Variants in CDH12 observed in about 807,000 individuals in gnomAD.
CDH12 encodes the protein cadherin-12.
In CDH12, 41 loss-of-function variants were observed where a neutral mutation model predicts 74.1. That is an observed-to-expected ratio of 0.55 (90% CI 0.43 to 0.72). The LOEUF (loss-of-function observed/expected upper bound fraction) is 0.72. Among genes scored for constraint, CDH12 ranks in the 30% least tolerant of loss-of-function variants. The probability of loss-of-function intolerance (pLI) is 0.00; values close to 1 mark genes in which losing one functional copy is unlikely to be tolerated. For synonymous variants in CDH12, 399 were observed against 355.0 expected, an observed-to-expected ratio of 1.12 and a Z score of -1.39; for missense variants, 945 against 977.2, an observed-to-expected ratio of 0.97 and a Z score of 0.44.
intron 5 of CDH12, among the ~76,000 whole-genome samples, chr5:22,005,843 T>C (rs1736921198): frequency 6.6e-6 from 1 of 152,136 alleles, no homozygotes; most frequent in Admixed American, 6.5e-5. Context: ...CCTAGTCAAC[T>C]TACTCTCCTA....
At chr5:22,429,231 A>G (rs902975004) in intron 2 of CDH12, among the ~76,000 whole-genome samples, 1 of 151,942 alleles carries the variant, frequency 6.6e-6, no homozygotes, top group Non-Finnish European at 1.5e-5. Context: ...TCCTGGGCTC[A>G]CTGGATCCTC....
chr5:21,874,156 CAT>C (rs1163800870), intron 6 of CDH12, among the ~76,000 whole-genome samples: 1 of 151,998 alleles, frequency 6.6e-6, no homozygotes, highest in African/African-American at 2.4e-5. Flanking sequence ...CTACAAGAAA[CAT>C]AAGCAAATTT....
intron 8 of CDH12, among the ~76,000 whole-genome samples, chr5:21,817,967 A>C (rs1748155568): frequency 6.6e-6 from 1 of 152,062 alleles, no homozygotes; most frequent in Admixed American, 6.6e-5. Context: ...AAACATAGAC[A>C]TTATTTTAAG....
At chr5:22,743,937 G>A (rs949810806) in intron 1 of CDH12, among the ~76,000 whole-genome samples, 1 of 151,714 alleles carries the variant, frequency 6.6e-6, no homozygotes, top group African/African-American at 2.4e-5. Flanking sequence ...CTACTGTTGG[G>A]CATTTTGTTG....
intron 1 of CDH12, among the ~76,000 whole-genome samples, chr5:22,579,047 C>A (rs988493171): frequency 1.3e-5 from 2 of 152,170 alleles, no homozygotes; most frequent in African/African-American, 4.8e-5. Context: ...CGACTTCTAT[C>A]ACATCTACAA....
In CDH12 at chr5:22,535,156, TTC is replaced by T. The variant is rs1290055512; in HGVS notation, c.-522-29794_-522-29793del. On this transcript the variant is annotated intron_variant, in intron 1 of 14. Coordinates refer to ENST00000382254, the MANE Select transcript of CDH12 (RefSeq NM_004061.5). ...CTGGCTAATTTTCTTTTTTTTTTTT[TTC>T]TTTTTTTTTTTTTTTTGAGACGGGG... is the stretch of plus-strand genomic sequence containing the variant. 9.7e-4 allele frequency among the ~76,000 whole-genome samples: 128 copies of T among 131,420 alleles called. 1 individual carries two copies. Among genetic ancestry groups the T allele is most frequent in the African/African-American group, 3.3e-3 (118 of 35,410 alleles). The allele number at this position is 131,420 out of a possible 152,430, so 86.2% of individuals were successfully genotyped here.
At chr5:22,218,100 T>C (rs1441311780) in intron 3 of CDH12, among the ~76,000 whole-genome samples, 1 of 151,772 alleles carries the variant, frequency 6.6e-6, no homozygotes, top group East Asian at 1.9e-4. Context: ...ACGTCAAGTG[T>C]CAACAATGAT....
intron 1 of CDH12, among the ~76,000 whole-genome samples, chr5:22,555,475 A>C: frequency 6.6e-6 from 1 of 151,992 alleles, no homozygotes; most frequent in Non-Finnish European, 1.5e-5. Flanking sequence ...TGTGGGAAGA[A>C]TATCCAATAT....
At chr5:22,201,484 A>G (rs1042146062) in intron 4 of CDH12, among the ~76,000 whole-genome samples, 1 of 152,184 alleles carries the variant, frequency 6.6e-6, no homozygotes, top group Non-Finnish European at 1.5e-5. Context: ...ACAAATGAAC[A>G]TAGATTATGA....
intron 6 of CDH12, among the ~76,000 whole-genome samples, chr5:21,903,942 CT>C (rs1238780513): frequency 6.6e-6 from 1 of 152,012 alleles, no homozygotes; most frequent in African/African-American, 2.4e-5. Flanking sequence ...CAATTTATTC[CT>C]TAGAAAAAAA....
chr5:22,211,862 T>C (rs1033735813), intron 4 of CDH12, among the ~76,000 whole-genome samples: 9 of 151,824 alleles, frequency 5.9e-5, no homozygotes, highest in Non-Finnish European at 1.2e-4. Context: ...TGCTTTCTTT[T>C]TTTATTCATG....
chr5:22,682,788 T>C (rs1741564025), intron 1 of CDH12, among the ~76,000 whole-genome samples: 1 of 152,134 alleles, frequency 6.6e-6, no homozygotes, highest in East Asian at 1.9e-4. Context: ...CATTAAAACC[T>C]TCCTCCCCTC....
At position 22,020,880 on chromosome 5, in the gene CDH12, C is replaced by T. The variant is rs1001104318; in HGVS notation, c.232-45495G>A. Among the ~76,000 whole-genome samples, 8 of 151,652 alleles carry T rather than the reference C, an allele frequency of 5.3e-5. No individual in the cohort carries two copies. The East Asian group carries it at 1.4e-3, about 26-fold the overall frequency. On this transcript the variant is annotated intron_variant, in intron 5 of 14. Coordinates refer to ENST00000382254, the MANE Select transcript of CDH12 (RefSeq NM_004061.5). ...CACAATTCAGTACATAGCACAGGGACTATTGTAAATTCCTGATAAGAAATC... is the reference window on the plus strand; with the variant it reads ...CACAATTCAGTACATAGCACAGGGATTATTGTAAATTCCTGATAAGAAATC...
At chr5:22,331,631 A>T (rs1006083509) in intron 3 of CDH12, among the ~76,000 whole-genome samples, 9 of 152,234 alleles carry the variant, frequency 5.9e-5, no homozygotes, top group African/African-American at 2.2e-4. Context: ...AACACTATCC[A>T]GTAAAACATG....
chr5:22,140,765 C>A (rs1428996708), intron 4 of CDH12, among the ~76,000 whole-genome samples: 1 of 152,118 alleles, frequency 6.6e-6, no homozygotes, highest in Non-Finnish European at 1.5e-5. Context: ...TTAGGACACA[C>A]AGGTCACCAA....
rs1561339749 is a variant in CDH12, at chr5:22,356,248, T to G, written c.-333+49009A>C. On this transcript the variant is annotated intron_variant, in intron 3 of 14. Coordinates refer to ENST00000382254, the MANE Select transcript of CDH12 (RefSeq NM_004061.5). ...AATATGAAAGCCCCAAATAACAACC[T>G]ATGAAACCATACAGTTTTAAAAACT... Among the ~76,000 whole-genome samples, 3 of 152,296 alleles carry G rather than the reference T, an allele frequency of 2.0e-5. No individual in the cohort carries two copies. In the South Asian group the frequency reaches 6.2e-4, roughly 32 times the overall value.
intron 4 of CDH12, among the ~76,000 whole-genome samples, chr5:22,150,708 C>T (rs1473784032): frequency 2.0e-5 from 3 of 152,010 alleles, no homozygotes; most frequent in African/African-American, 7.3e-5. Flanking sequence ...AGGTAATGCC[C>T]CAAATCTTAT....
At chr5:22,338,194 T>C (rs895963524) in intron 3 of CDH12, among the ~76,000 whole-genome samples, 1 of 152,066 alleles carries the variant, frequency 6.6e-6, no homozygotes, top group Non-Finnish European at 1.5e-5. Context: ...ATGAACTGAT[T>C]AAAAAAATGT....
At chr5:22,095,118 C>T (rs913455559) in intron 4 of CDH12, among the ~76,000 whole-genome samples, 6 of 152,282 alleles carry the variant, frequency 3.9e-5, no homozygotes, top group Middle Eastern at 3.4e-3. Context: ...ATCCCCTGTC[C>T]TCCTGCTCTT....
Sources: gnomAD v4.1 joint callset for allele counts (sites outside exome capture counted in the v4.1 genomes callset) on GRCh38, gnomAD v4.1.1 for gene constraint, MANE v1.5 for transcripts, NCBI Gene and HGNC (gene_info 2026-07-23, HGNC 2026-07-21) for gene names.